The following POLR2F variants were observed in gnomAD, a reference collection of about 807,000 sequenced individuals.
POLR2F encodes RNA polymerase II, I and III subunit F, also known as DNA-directed RNA polymerases I, II, and III subunit RPABC2.
A neutral mutation model predicts 22.7 loss-of-function variants in POLR2F; 12 were observed. The observed-to-expected ratio is 0.53, with a 90% CI of 0.34 to 0.86. POLR2F has a LOEUF of 0.86. POLR2F is among the 40% of genes least tolerant of loss of function. The pLI, the probability that POLR2F is intolerant of heterozygous loss-of-function variation, is 0.02. For missense variants in POLR2F, 126 were observed against 171.5 expected (o/e 0.73, Z 1.48); for synonymous variants, 57 against 66.0 (o/e 0.86, Z 0.66).
chr22:37,960,102 C>A (rs1386589939), intron 3 of POLR2F, among the ~76,000 whole-genome samples: 1 of 152,118 alleles, frequency 6.6e-6, no homozygotes, highest in Admixed American at 6.5e-5. Context: ...CCGCGCCCGG[C>A]CATGGTGGTT....
chr22:37,959,370 C>G lies in POLR2F; in HGVS notation c.115C>G (p.Leu39Val). The G allele has an allele frequency of 6.2e-7, 1 of 1,614,074 alleles. No individual in the cohort carries two copies. The highest frequency in any genetic ancestry group is 8.5e-7 in the Non-Finnish European group (1 of 1,179,970). Residue 39 changes from leucine to valine, a missense_variant, in exon 3 of 5, where the codon CTC becomes GTC. By Grantham distance (32) the Leu-to-Val change is conservative. Transcript: ENST00000442738. ...EEEGQENVEI[L>V]PSGERPQANQ... ...GGAAGGCCAGGAGAATGTCGAGATC[C>G]TCCCCTCTGGGGAGCGACCGCAGGC...
intron 1 of POLR2F, among the ~76,000 whole-genome samples, chr22:37,990,502 C>T (rs3026652): frequency 1.6e-4 from 25 of 152,406 alleles, no homozygotes; most frequent in Middle Eastern, 3.4e-3. Flanking sequence ...CCCTGAGCCT[C>T]TCCAGCTGCT....
At chr22:38,006,713 C>T (rs532365380) in intron 1 of POLR2F, among the ~76,000 whole-genome samples, 5 of 152,274 alleles carry the variant, frequency 3.3e-5, no homozygotes, top group South Asian at 2.1e-4. Context: ...GAGGCAGCAA[C>T]GGGGGAAGGA....
At position 38,016,426 on chromosome 22, in the gene POLR2F, CAGAGA is replaced by C. The variant is rs1457284314; in HGVS notation, c.121-9440_121-9436del. Among the ~76,000 whole-genome samples, 1 of 152,224 alleles carries C rather than the reference CAGAGA, an allele frequency of 6.6e-6. No homozygotes were observed. Among genetic ancestry groups the C allele is most frequent in the Non-Finnish European group, 1.5e-5 (1 of 68,044 alleles). ...ACACACGCCCCCATCCGCCACCTCCCAGAGAAGGGACCATTGTGTCCGAAGGGTTA... is the reference window on the plus strand; with the variant it reads ...ACACACGCCCCCATCCGCCACCTCCCAGGGACCATTGTGTCCGAAGGGTTA... On this transcript the variant is annotated intron_variant, in intron 1 of 2. Transcript: ENST00000333418. The surrounding 1 kb of genome is among the most constrained non-coding windows in gnomAD (Gnocchi z 4.4).
upstream of POLR2F, chr22:37,984,475 G>A (rs1157595183): frequency 6.5e-6 from 1 of 153,004 alleles, no homozygotes; most frequent in African/African-American, 2.4e-5. The surrounding 1 kb of genome is among the most constrained non-coding windows in gnomAD (Gnocchi z 4.4). Flanking sequence ...CTGAGCCTCA[G>A]GCCACGGCCT....
rs2084724431 is a variant in POLR2F at position 37,997,297 on chromosome 22, C to T, written c.120+10985C>T. Among the ~76,000 whole-genome samples, 1 of 152,054 alleles carries T rather than the reference C, an allele frequency of 6.6e-6. No individual in the cohort carries two copies. Among genetic ancestry groups the T allele is most frequent in the Non-Finnish European group, 1.5e-5 (1 of 67,994 alleles). On this transcript the variant is annotated intron_variant, in intron 1 of 2. Coordinates refer to the POLR2F transcript ENST00000333418. This position sits in a 1 kb window ranked among gnomAD's most constrained non-coding sequence, Gnocchi z 4.4. ...CTCTGTCCATTGCTCCCTCCTTCTC[C>T]TCTTTCTGTCCCCAGCCTCCTCTCT... is the stretch of plus-strand genomic sequence containing the variant.
At chr22:38,025,875 G>C in exon 2 of POLR2F, 1 of 949,120 alleles carries the variant, frequency 1.1e-6, no homozygotes, top group East Asian at 2.5e-5. Flanking sequence ...CCAGGGCTGG[G>C]ACCGTCTCTT....
At chr22:38,013,939 A>G (rs1233703646) in intron 1 of POLR2F, among the ~76,000 whole-genome samples, 2 of 152,008 alleles carry the variant, frequency 1.3e-5, no homozygotes, top group Non-Finnish European at 2.9e-5. Flanking sequence ...CTTGACCAAC[A>G]TGGAGAAACC....
Position 38,010,602 on chromosome 22 carries a change from G to GTTTTTTTTTTTTT in POLR2F, c.121-15252_121-15240dup, listed in dbSNP as rs1159353447. On this transcript the variant is annotated intron_variant, in intron 1 of 2. Transcript: ENST00000333418. The stretch of plus-strand genomic sequence containing the variant: ...TAAATATGTAGTAATAATTCCTTGT[G>GTTTTTTTTTTTTT]TTTTTTTTTTTTTTTTTTTTTTTTT... Among the ~76,000 whole-genome samples the GTTTTTTTTTTTTT allele has an allele frequency of 1.3e-4, 8 of 60,898 alleles. 1 individual carries two copies. The highest frequency in any genetic ancestry group is 1.2e-3 in the South Asian group (2 of 1,720). 40.0% of individuals were successfully genotyped at this position (60,898 alleles called of 152,430 possible).
intron 4 of POLR2F, among the ~76,000 whole-genome samples, chr22:37,979,973 G>A (rs1932345483): frequency 6.6e-6 from 1 of 151,902 alleles, no homozygotes; most frequent in African/African-American, 2.4e-5. Flanking sequence ...TCCCCAGGCT[G>A]GGCGGGGGTG....
intron 5 of POLR2F, among the ~76,000 whole-genome samples, chr22:38,033,923 C>G (rs906423632): frequency 6.6e-6 from 1 of 152,126 alleles, no homozygotes; most frequent in Admixed American, 6.5e-5. Context: ...AAGTTTGCTG[C>G]TCACTTGGGG....
chr22:37,999,981 C>T (rs1049796657), intron 1 of POLR2F, among the ~76,000 whole-genome samples: 4 of 152,186 alleles, frequency 2.6e-5, no homozygotes, highest in African/African-American at 4.8e-5. Flanking sequence ...AGCCTGTGCC[C>T]GCTAGGCGAA....
At chr22:37,981,985 G>C (rs1932411818), upstream of POLR2F, among the ~76,000 whole-genome samples, 1 of 152,200 alleles carries the variant, frequency 6.6e-6, no homozygotes, top group Non-Finnish European at 1.5e-5. Flanking sequence ...AGATCCTCCT[G>C]CACCTTCTAC....
intron 1 of POLR2F, among the ~76,000 whole-genome samples, chr22:37,990,034 C>G (rs1434776678): frequency 6.6e-6 from 1 of 152,206 alleles, no homozygotes; most frequent in African/African-American, 2.4e-5. Flanking sequence ...CCTTACTGAA[C>G]AGCCTGGAGG....
chr22:38,028,341 G>A (rs936278002), downstream of POLR2F, among the ~76,000 whole-genome samples: 2 of 152,078 alleles, frequency 1.3e-5, no homozygotes, highest in Non-Finnish European at 2.9e-5. Flanking sequence ...AAGGGATTGG[G>A]AGCCCCTTCT....
At chr22:38,006,823 A>T (rs1043551131) in intron 1 of POLR2F, among the ~76,000 whole-genome samples, 1 of 152,170 alleles carries the variant, frequency 6.6e-6, no homozygotes, top group South Asian at 2.1e-4. Context: ...TCCAGCTTCC[A>T]CATCTGCATG....
chr22:37,971,855 AG>A (rs975772070), downstream of POLR2F, among the ~76,000 whole-genome samples: 1 of 151,956 alleles, frequency 6.6e-6, no homozygotes, highest in African/African-American at 2.4e-5. Context: ...CTTGCAAGGC[AG>A]TGAGTTCTAG....
chr22:38,018,224 C>G (rs541743436), intron 1 of POLR2F, among the ~76,000 whole-genome samples: 6 of 152,322 alleles, frequency 3.9e-5, no homozygotes, highest in East Asian at 3.9e-4. Flanking sequence ...AAGTCAAGAT[C>G]AGGGCTTAGG....
chr22:37,962,537 C>A (rs554613995), intron 3 of POLR2F, among the ~76,000 whole-genome samples: 24 of 152,306 alleles, frequency 1.6e-4, no homozygotes, highest in Admixed American at 1.5e-3. Context: ...ACAGCCATAC[C>A]CAATATGCCA....
Sources: allele counts gnomAD v4.1 joint callset (sites outside exome capture counted in the v4.1 genomes callset), GRCh38; gene constraint gnomAD v4.1.1; non-coding constraint Gnocchi (gnomAD v3.1); transcripts MANE v1.5; gene names NCBI Gene and HGNC (gene_info 2026-07-23, HGNC 2026-07-21).